Variants in NRXN1 observed in about 807,000 individuals in gnomAD.
NRXN1 encodes the protein neurexin 1, also known as neurexin-1.
NRXN1 carries 39 observed loss-of-function variants against 150.9 expected under a neutral mutation model. The ratio of observed to expected loss-of-function variants is 0.26; its 90% CI spans 0.20 to 0.34. The LOEUF is 0.34. NRXN1 is among the 10% of genes least tolerant of loss of function. The probability of loss-of-function intolerance (pLI) is 1.00; values close to 1 mark genes in which losing one functional copy is unlikely to be tolerated. For missense variants in NRXN1, 1,815 were observed against 1,949.9 expected (o/e 0.93, Z 1.30); for synonymous variants, 924 against 757.0 (o/e 1.22, Z -3.62).
rs752126111 is a variant in NRXN1, at chr2:51,028,186, C to G, written c.88G>C (p.Gly30Arg). 5 of 1,506,016 alleles carry G rather than the reference C, an allele frequency of 3.3e-6. No individual in the cohort carries two copies. The highest frequency in any genetic ancestry group is 1.4e-5 in the African/African-American group (1 of 72,168). The allele number at this position is 1,506,016 out of a possible 1,614,324, so 93.3% of individuals were successfully genotyped here. The change falls in exon 2 of 23, where the codon GGG becomes CGG. Residue 30 changes from glycine to arginine, a missense_variant. Transcript: ENST00000401669. ...LLGCWAELGS[G>R]LEFPGAEGQW... is the part of the protein sequence containing the mutation. The stretch of plus-strand genomic sequence containing the variant: ...CCCTCGGCGCCCGGAAACTCCAGCC[C>G]GCTGCCCAGCTCCGCCCAGCAGCCC...
intron 18 of NRXN1, chr2:50,207,805 T>C (rs529169925): frequency 6.1e-6 from 1 of 163,000 alleles, no homozygotes; most frequent in African/African-American, 2.4e-5. Context: ...TCTCTTAATA[T>C]CTTGGCCCAA....
chr2:50,806,880 G>T (rs922486827), intron 5 of NRXN1, among the ~76,000 whole-genome samples: 3 of 152,082 alleles, frequency 2.0e-5, no homozygotes, highest in African/African-American at 7.2e-5. Context: ...GCATTATTCT[G>T]GTTGTTAGCC....
At chr2:50,784,486 A>C (rs1327251890) in intron 5 of NRXN1, among the ~76,000 whole-genome samples, 2 of 152,198 alleles carry the variant, frequency 1.3e-5, no homozygotes, top group Non-Finnish European at 2.9e-5. Context: ...AGCATGAAAA[A>C]ACATGGTGAG....
intron 18 of NRXN1, among the ~76,000 whole-genome samples, chr2:50,233,307 C>A (rs2065130470): frequency 6.6e-6 from 1 of 151,788 alleles, no homozygotes; most frequent in Admixed American, 6.6e-5. Context: ...ATTAATATGA[C>A]AAAAAAATCC....
rs148758941 is a variant in NRXN1 at position 50,160,000 on chromosome 2, A to T, written c.3547-68506T>A. ...AAAGATAAACAACATTGTTTTTGTGACCATTAAAATATGATATGTGAGGAA... is the reference window on the plus strand; with the variant it reads ...AAAGATAAACAACATTGTTTTTGTGTCCATTAAAATATGATATGTGAGGAA... On this transcript the variant is annotated intron_variant, in intron 18 of 22. Transcript: ENST00000401669. 2.4e-3 allele frequency among the ~76,000 whole-genome samples: 358 copies of T among 152,250 alleles called. 2 individuals are homozygous for T. Among genetic ancestry groups the T allele is most frequent in the Non-Finnish European group, 3.0e-3 (203 of 68,026 alleles).
chr2:50,113,854 A>T (rs1455538670), intron 18 of NRXN1, among the ~76,000 whole-genome samples: 1 of 152,122 alleles, frequency 6.6e-6, no homozygotes, highest in African/African-American at 2.4e-5. Flanking sequence ...TATCGAAATG[A>T]CTTCTATTGA....
intron 8 of NRXN1, chr2:50,588,862 G>A (rs998606406): frequency 1.3e-5 from 2 of 152,136 alleles, no homozygotes; most frequent in Admixed American, 1.3e-4. Context: ...TTATAGTAGC[G>A]GAGGTGAAGT....
intron 18 of NRXN1, among the ~76,000 whole-genome samples, chr2:50,095,512 T>C (rs560671762): frequency 2.6e-5 from 4 of 152,176 alleles, no homozygotes; most frequent in African/African-American, 9.7e-5. Flanking sequence ...CCTATTTTCA[T>C]CAGAGTATTA....
At chr2:51,020,711 T>C (rs1669470989) in intron 2 of NRXN1, among the ~76,000 whole-genome samples, 1 of 151,944 alleles carries the variant, frequency 6.6e-6, no homozygotes, top group Admixed American at 6.6e-5. Flanking sequence ...CCTTAGAAAA[T>C]GAAACAGAAC....
chr2:50,583,543 C>G (rs942008109), intron 8 of NRXN1, among the ~76,000 whole-genome samples: 4 of 152,146 alleles, frequency 2.6e-5, no homozygotes, highest in Non-Finnish European at 4.4e-5. Flanking sequence ...AGGTTAGAGA[C>G]TACATCATGT....
intron 21 of NRXN1, among the ~76,000 whole-genome samples, chr2:49,975,341 G>T (rs1558618280): frequency 6.6e-6 from 1 of 151,956 alleles, no homozygotes; most frequent in East Asian, 1.9e-4. Context: ...ACATTTGAAA[G>T]AATTAATTCT....
At chr2:50,907,136 C>G (rs992667077) in intron 5 of NRXN1, among the ~76,000 whole-genome samples, 16 of 151,106 alleles carry the variant, frequency 1.1e-4, no homozygotes, top group African/African-American at 3.9e-4. Flanking sequence ...GCCCTATACT[C>G]TGGAGGGAAA....
At chr2:50,132,609 T>C (rs926171257) in intron 18 of NRXN1, among the ~76,000 whole-genome samples, 17 of 152,136 alleles carry the variant, frequency 1.1e-4, no homozygotes, top group Admixed American at 9.2e-4. Context: ...CCGGCCCAGC[T>C]CTTATCTTTT....
At chr2:50,431,500 T>G (rs1477137923) in intron 17 of NRXN1, among the ~76,000 whole-genome samples, 2 of 152,262 alleles carry the variant, frequency 1.3e-5, no homozygotes, top group Admixed American at 6.5e-5. Context: ...TGCTGAATTT[T>G]TGTATGGCAC....
chr2:50,933,592 A>G (rs535787497), intron 2 of NRXN1, among the ~76,000 whole-genome samples: 1 of 152,224 alleles, frequency 6.6e-6, no homozygotes, highest in East Asian at 1.9e-4. Context: ...AAGATATTAT[A>G]TATGTAGTTA....
chr2:50,393,852 C>A (rs1254133328), intron 17 of NRXN1, among the ~76,000 whole-genome samples: 1 of 151,944 alleles, frequency 6.6e-6, no homozygotes, highest in Admixed American at 6.6e-5. Context: ...TCACAGGCAG[C>A]AAATAAACCC....
intron 18 of NRXN1, among the ~76,000 whole-genome samples, chr2:50,178,773 T>C (rs2060510482): frequency 6.6e-6 from 1 of 152,142 alleles, no homozygotes. Context: ...TATTACAAGA[T>C]TTAAATATTT....
chr2:49,970,149 T>C lies in NRXN1; in HGVS notation c.4129-26358A>G, dbSNP rs577403253. On this transcript the variant is annotated intron_variant, in intron 21 of 22. Transcript: ENST00000401669. Reference sequence around the variant, plus strand: ...AACAAAAGGCTATACATTATAGTCATGGGAAAATAGTAAAACAAGTATTTG... The same window carrying C: ...AACAAAAGGCTATACATTATAGTCACGGGAAAATAGTAAAACAAGTATTTG... 24 of 152,192 alleles carry C rather than the reference T, an allele frequency of 1.6e-4. 1 individual carries two copies. The highest frequency in any genetic ancestry group is 5.5e-4 in the African/African-American group (23 of 41,560). The allele number at this position is 152,192 out of a possible 1,614,324, so 9.4% of individuals were successfully genotyped here.
chr2:49,929,990 C>A (rs370120624), intron 22 of NRXN1, among the ~76,000 whole-genome samples: 53 of 152,264 alleles, frequency 3.5e-4, no homozygotes, highest in African/African-American at 1.1e-3. Context: ...ATTGCAACTG[C>A]AGAATCAGAT....
Sources: allele counts gnomAD v4.1 joint callset (sites outside exome capture counted in the v4.1 genomes callset), GRCh38; gene constraint gnomAD v4.1.1; transcripts MANE v1.5; gene names NCBI Gene and HGNC (gene_info 2026-07-23, HGNC 2026-07-21).